The following RAB6B variants were observed in gnomAD, a reference collection of about 807,000 sequenced individuals.
The protein encoded by RAB6B is RAB6B, member RAS oncogene family.
In RAB6B, 7 loss-of-function variants were observed where a neutral mutation model predicts 31.2. The observed-to-expected ratio is 0.22, with a 90% confidence interval of 0.13 to 0.42. The LOEUF (loss-of-function observed/expected upper bound fraction) is 0.42, where lower values mean the gene tolerates loss of function less well. RAB6B is among the 10% of genes least tolerant of loss of function. The pLI, the probability that RAB6B is intolerant of heterozygous loss-of-function variation, is 1.00. For synonymous variants in RAB6B, 105 were observed against 104.9 expected (o/e 1.00, Z -0.01); for missense variants, 149 against 280.6 (o/e 0.53, Z 3.35).
At position 133,856,366 on chromosome 3, in the gene RAB6B, C is replaced by T. The variant is rs777627970; in HGVS notation, c.129+8218G>A. On this transcript the variant is annotated intron_variant, in intron 2 of 7. Coordinates refer to ENST00000285208, the MANE Select transcript of RAB6B (RefSeq NM_016577.4). ...TGCTTATTCTGTTCTGCTGTCGTGG[C>T]CCATGGGTTCTCATCTTTGTACAGA... 7.9e-5 allele frequency among the ~76,000 whole-genome samples: 12 copies of T among 151,878 alleles called. 1 individual carries two copies. Among genetic ancestry groups the T allele is most frequent in the Non-Finnish European group, 1.3e-4 (9 of 67,974 alleles).
intron 2 of RAB6B, among the ~76,000 whole-genome samples, chr3:133,851,915 G>A (rs1245498417): frequency 6.6e-6 from 1 of 152,154 alleles, no homozygotes; most frequent in Non-Finnish European, 1.5e-5. Context: ...GATGGCCCAA[G>A]GTGCTGCTTC....
intron 2 of RAB6B, among the ~76,000 whole-genome samples, chr3:133,847,437 G>A (rs1483195175): frequency 1.3e-5 from 2 of 152,192 alleles, no homozygotes; most frequent in African/African-American, 4.8e-5. Flanking sequence ...TCTGGATGAT[G>A]CTTTCTCAGC....
At chr3:133,863,959 C>A (rs1936197912) in intron 2 of RAB6B, among the ~76,000 whole-genome samples, 1 of 152,304 alleles carries the variant, frequency 6.6e-6, no homozygotes, top group South Asian at 2.1e-4. Context: ...AAGAACTTGG[C>A]CTTCAGGGCA....
chr3:133,857,426 GAAAAAAAAAA>G (rs71136497), intron 2 of RAB6B, among the ~76,000 whole-genome samples: 2 of 119,826 alleles, frequency 1.7e-5, no homozygotes, highest in Non-Finnish European at 3.4e-5. Flanking sequence ...TTTTTGAAGG[GAAAAAAAAAA>G]AAAAAAAAAA....
intron 1 of RAB6B, among the ~76,000 whole-genome samples, chr3:133,876,182 G>A (rs1053383547): frequency 2.0e-5 from 3 of 152,126 alleles, no homozygotes; most frequent in South Asian, 2.1e-4. Flanking sequence ...AGATGTTCAC[G>A]TAAGACTCTA....
At position 133,845,133 on chromosome 3, in the gene RAB6B, CTCAGGACTGAGGG is replaced by C. The variant is rs1373281595; in HGVS notation, c.130-3483_130-3471del. Among the ~76,000 whole-genome samples, 5 of 152,216 alleles carry C rather than the reference CTCAGGACTGAGGG, an allele frequency of 3.3e-5. No individual in the cohort carries two copies. The East Asian group carries it at 9.6e-4, about 29-fold the overall frequency. On this transcript the variant is annotated intron_variant, in intron 2 of 7. Transcript: ENST00000285208. ...CTGGCTTTGGGAGGAACAAGATCAT[CTCAGGACTGAGGG>C]TTACACCAGAGGACTCAGAGAAAAC...
intron 1 of RAB6B, among the ~76,000 whole-genome samples, chr3:133,883,523 C>G (rs1422678914): frequency 6.6e-6 from 1 of 152,216 alleles, no homozygotes; most frequent in Non-Finnish European, 1.5e-5. Flanking sequence ...AAGCCCCCAT[C>G]TGTGTCTGGT....
chr3:133,836,231 G>A (rs1576393198), intron 6 of RAB6B, among the ~76,000 whole-genome samples: 1 of 152,350 alleles, frequency 6.6e-6, no homozygotes, highest in South Asian at 2.1e-4. Flanking sequence ...AGGCTCTGCA[G>A]TGGGGTAGCC....
intron 7 of RAB6B, among the ~76,000 whole-genome samples, chr3:133,834,198 T>C (rs547961486): frequency 4.6e-5 from 7 of 152,210 alleles, no homozygotes; most frequent in South Asian, 2.1e-4. Flanking sequence ...CTGAACCACG[T>C]TGAGATCATA....
At chr3:133,891,568 T>C (rs1936638036) in intron 1 of RAB6B, among the ~76,000 whole-genome samples, 1 of 152,108 alleles carries the variant, frequency 6.6e-6, no homozygotes. Context: ...ACTGTAATTA[T>C]ATCCACAAAT....
intron 1 of RAB6B, among the ~76,000 whole-genome samples, chr3:133,879,268 A>T (rs1020879355): frequency 6.6e-6 from 1 of 152,260 alleles, no homozygotes; most frequent in African/African-American, 2.4e-5. Context: ...ACACGCACAC[A>T]TCCATGTTTC....
chr3:133,889,459 G>C (rs1229363308), intron 1 of RAB6B, among the ~76,000 whole-genome samples: 1 of 127,838 alleles, frequency 7.8e-6, no homozygotes, highest in African/African-American at 2.9e-5. Context: ...TTTTGGGATG[G>C]AGTTTTGCTC....
In RAB6B at chr3:133,864,654, C is replaced by T; in HGVS notation, c.71-12G>A. ...AGACGTCTTCCCGACTGCAAAACAA[C>T]AAGGAGAGAGGTGTTCAGTCATGGC... On this transcript the variant is annotated splice_polypyrimidine_tract_variant and intron_variant, in intron 1 of 7. Transcript: ENST00000285208. The T allele has an allele frequency of 6.2e-7, 1 of 1,613,132 alleles. No individual in the cohort carries two copies. The highest frequency in any genetic ancestry group is 1.3e-5 in the African/African-American group (1 of 75,052).
intron 2 of RAB6B, among the ~76,000 whole-genome samples, chr3:133,857,358 C>T (rs1418689635): frequency 6.7e-6 from 1 of 150,228 alleles, no homozygotes; most frequent in Non-Finnish European, 1.5e-5. Flanking sequence ...AACTAAAAAG[C>T]TCGGCCAGGG....
intron 1 of RAB6B, 103 bp from the exon 2 acceptor site, chr3:133,864,745 G>C (rs1037701904): frequency 4.4e-6 from 5 of 1,147,856 alleles, no homozygotes; most frequent in East Asian, 2.4e-5. Flanking sequence ...AAAAGCACAG[G>C]GGAAAGGCCG....
intron 1 of RAB6B, among the ~76,000 whole-genome samples, chr3:133,889,973 ACTCT>A (rs1433921682): frequency 1.3e-5 from 2 of 152,082 alleles, no homozygotes; most frequent in East Asian, 3.9e-4. Context: ...TGTCTGTCTG[ACTCT>A]CTCACTCACA....
intron 1 of RAB6B, among the ~76,000 whole-genome samples, chr3:133,883,471 C>T (rs182509967): frequency 4.5e-4 from 69 of 152,290 alleles, no homozygotes; most frequent in African/African-American, 1.6e-3. Context: ...CTGCCCGGAC[C>T]TTGACCCACC....
At chr3:133,832,688 C>T (rs567414531) in intron 7 of RAB6B, among the ~76,000 whole-genome samples, 4 of 152,310 alleles carry the variant, frequency 2.6e-5, no homozygotes, top group East Asian at 3.9e-4. Flanking sequence ...GCACCTGCCT[C>T]GTGAGAGGCC....
chr3:133,862,815 C>T (rs548034915), intron 2 of RAB6B, among the ~76,000 whole-genome samples: 2 of 152,292 alleles, frequency 1.3e-5, no homozygotes, highest in Non-Finnish European at 2.9e-5. Context: ...CCCCCTTTGT[C>T]ACCCCCTTGC....
Sources: gnomAD v4.1 joint callset for allele counts (sites outside exome capture counted in the v4.1 genomes callset) on GRCh38, gnomAD v4.1.1 for gene constraint, MANE v1.5 for transcripts, NCBI Gene and HGNC (gene_info 2026-07-23, HGNC 2026-07-21) for gene names.